The following FRMPD4 variants were observed in gnomAD, a reference collection of about 807,000 sequenced individuals.
FRMPD4 encodes FERM and PDZ domain containing 4.
Under a neutral mutation model 94.1 loss-of-function variants are expected in FRMPD4, and 22 were observed. The observed-to-expected ratio is 0.23, with a 90% CI of 0.17 to 0.33. The LOEUF is 0.33. Among genes scored for constraint, FRMPD4 ranks in the 10% least tolerant of loss-of-function variants. FRMPD4 has a pLI of 1.00. For synonymous variants in FRMPD4, 631 were observed against 548.6 expected (o/e 1.15, Z -2.10); for missense variants, 1,111 against 1,339.9 (o/e 0.83, Z 2.67).
intron 3 of FRMPD4, among the ~76,000 whole-genome samples, chrX:11,927,051 T>A (rs1289343701): frequency 9.0e-6 from 1 of 111,031 alleles, no homozygotes; most frequent in Non-Finnish European, 1.9e-5. Context: ...TTCAGCAAAG[T>A]CTTAGGATAC....
chrX:12,397,430 G>A (rs181106014), intron 1 of FRMPD4, among the ~76,000 whole-genome samples: 239 of 111,871 alleles, frequency 2.1e-3, no homozygotes, highest in African/African-American at 7.6e-3. Flanking sequence ...ATCAAGTCAT[G>A]AGCATGCTAA....
chrX:11,896,220 C>T (rs1295273807), intron 3 of FRMPD4, among the ~76,000 whole-genome samples: 1 of 112,154 alleles, frequency 8.9e-6, no homozygotes, highest in African/African-American at 3.2e-5. Context: ...ATAATTCAAA[C>T]TCAACCACAT....
intron 1 of FRMPD4, among the ~76,000 whole-genome samples, chrX:12,440,368 C>A (rs1293088401): frequency 4.5e-5 from 5 of 111,435 alleles, no homozygotes; most frequent in African/African-American, 1.3e-4. Context: ...CCAGGGGTGA[C>A]TGTGACCTGT....
At chrX:12,262,998 C>T (rs768015149) in intron 1 of FRMPD4, among the ~76,000 whole-genome samples, 1 of 111,717 alleles carries the variant, frequency 9.0e-6, no homozygotes, top group Non-Finnish European at 1.9e-5. Context: ...GTCTGGGCTT[C>T]AGCTTTGAAG....
chrX:12,669,252 A>G (rs1209894856), intron 4 of FRMPD4, among the ~76,000 whole-genome samples: 2 of 111,831 alleles, frequency 1.8e-5, no homozygotes, highest in African/African-American at 6.5e-5. Flanking sequence ...ACTACCCACA[A>G]GGAACTGAGG....
chrX:12,023,846 G>A, intron 3 of FRMPD4, among the ~76,000 whole-genome samples: 1 of 111,636 alleles, frequency 9.0e-6, no homozygotes, highest in Non-Finnish European at 1.9e-5. Flanking sequence ...ATCTTCTTTA[G>A]GTTCCTGCCT....
chrX:12,318,665 A>G (rs1279367426), intron 1 of FRMPD4, among the ~76,000 whole-genome samples: 1 of 111,916 alleles, frequency 8.9e-6, no homozygotes, highest in African/African-American at 3.2e-5. Flanking sequence ...TAGTGGATAC[A>G]AAAATACAGT....
chrX:11,915,383 T>C (rs2054019398), intron 3 of FRMPD4, among the ~76,000 whole-genome samples: 1 of 112,303 alleles, frequency 8.9e-6, no homozygotes, highest in African/African-American at 3.2e-5. Flanking sequence ...TATTCCTCAG[T>C]TGAAGGTGTA....
intron 2 of FRMPD4, among the ~76,000 whole-genome samples, chrX:12,596,123 C>T (rs747084426): frequency 1.8e-5 from 2 of 111,194 alleles, no homozygotes; most frequent in African/African-American, 3.3e-5. Flanking sequence ...ATATGAGGGT[C>T]GGATACCTGA....
At chrX:11,948,448 G>T (rs754663932) in intron 3 of FRMPD4, among the ~76,000 whole-genome samples, 1 of 111,625 alleles carries the variant, frequency 9.0e-6, no homozygotes, top group South Asian at 3.8e-4. Flanking sequence ...CCCTGATCTT[G>T]GAATTTCAGC....
intron 7 of FRMPD4, among the ~76,000 whole-genome samples, chrX:12,686,826 T>G (rs2060029524): frequency 9.0e-6 from 1 of 111,561 alleles, no homozygotes; most frequent in Admixed American, 9.5e-5. Flanking sequence ...AGCATATGGT[T>G]TTTTTCCCCA....
At chrX:12,526,758 A>G (rs759329976) in intron 2 of FRMPD4, among the ~76,000 whole-genome samples, 1 of 112,486 alleles carries the variant, frequency 8.9e-6, no homozygotes, top group South Asian at 3.7e-4. Context: ...AAGGTTTTCA[A>G]CTTCCAGAAG....
chrX:12,721,301 T>C lies in FRMPD4; in HGVS notation c.4732T>C (p.Leu1578=). 1.3e-6 allele frequency: 1 copy of C among 755,657 alleles called. No homozygotes were observed. The highest frequency in any genetic ancestry group is 1.6e-6 in the Non-Finnish European group (1 of 638,942). 62.3% of individuals were successfully genotyped at this position (755,657 alleles called of 1,213,427 possible). A position where few individuals can be genotyped will look rare whatever the true frequency, so the allele number is the denominator to read the frequency against. The part of the protein sequence containing the change: ...WAEDLRDPDD[L]DFSNLAFDAR... ...AGAAGACCTGCGAGACCCAGATGAC[T>C]TGGACTTCAGCAACCTGGCTTTTGA... The change falls in exon 17 of 17, where the codon TTG becomes CTG. Residue 1578 remains leucine, a synonymous_variant. Transcript: ENST00000675598.
chrX:12,451,299 C>CAGAT lies in FRMPD4; in HGVS notation c.42-47379_42-47376dup, dbSNP rs1479248463. Among the ~76,000 whole-genome samples the CAGAT allele has an allele frequency of 4.5e-5, 5 of 112,021 alleles. No individual in the cohort carries two copies. The East Asian group carries it at 1.4e-3, about 32-fold the overall frequency. ...CTCATCCCTGCCCCCCTCCAATGAA[C>CAGAT]AGATAATTAATGACACTTTCCTCTT... On this transcript the variant is annotated intron_variant, in intron 1 of 16. Coordinates refer to ENST00000675598, the MANE Select transcript of FRMPD4 (RefSeq NM_001368397.1).
intron 3 of FRMPD4, among the ~76,000 whole-genome samples, chrX:12,111,442 C>T (rs4373694): frequency 0.075 from 8,275 of 111,028 alleles, 862 homozygotes; most frequent in East Asian, 0.57. Context: ...AAGACTTAAA[C>T]GTTAGACCTA....
Position 12,718,793 on chromosome X carries a change from AC to A in FRMPD4, c.3964+4del. On this transcript the variant is annotated splice_donor_region_variant and intron_variant, in intron 16 of 16. Coordinates refer to ENST00000675598, the MANE Select transcript of FRMPD4 (RefSeq NM_001368397.1). ...CCCCAAGATTAAGGAAACCACAGGTACAGCAATGATGGATTTAGCACTTTGT... is the reference window on the plus strand; with the variant it reads ...CCCCAAGATTAAGGAAACCACAGGTAAGCAATGATGGATTTAGCACTTTGT... The A allele has an allele frequency of 1.8e-6, 2 of 1,131,805 alleles. No homozygotes were observed. The highest frequency in any genetic ancestry group is 2.4e-6 in the Non-Finnish European group (2 of 825,482). The allele number at this position is 1,131,805 out of a possible 1,213,427, so 93.3% of individuals were successfully genotyped here.
chrX:12,650,156 C>T (rs979912334), intron 4 of FRMPD4, among the ~76,000 whole-genome samples: 2 of 112,345 alleles, frequency 1.8e-5, no homozygotes, highest in African/African-American at 6.5e-5. Flanking sequence ...GCACAAAACA[C>T]GGGAAGTGAT....
chrX:11,892,064 T>G (rs1280797083), intron 3 of FRMPD4, among the ~76,000 whole-genome samples: 1 of 112,124 alleles, frequency 8.9e-6, no homozygotes, highest in Admixed American at 9.4e-5. Context: ...TGTGTACATG[T>G]GATTGTGTAT....
rs766908190 is a variant in FRMPD4, at chrX:12,232,941, C to T, written c.41+93929C>T. On this transcript the variant is annotated intron_variant, in intron 1 of 16. Transcript: ENST00000675598. ...AGGATTCTTTCAGGAAGAAGTAATC[C>T]AAAAACCTATGTTGTACAACTTTTG... Among the ~76,000 whole-genome samples, 5 of 111,807 alleles carry T rather than the reference C, an allele frequency of 4.5e-5. No individual in the cohort carries two copies. The South Asian group carries it at 1.9e-3, about 42-fold the overall frequency.
Sources: allele counts gnomAD v4.1 joint callset (sites outside exome capture counted in the v4.1 genomes callset), GRCh38; gene constraint gnomAD v4.1.1; transcripts MANE v1.5; gene names NCBI Gene and HGNC (gene_info 2026-07-23, HGNC 2026-07-21).